Variants in AK9 observed in about 807,000 individuals in gnomAD.
AK9 encodes adenylate kinase domain containing 1.
In AK9, 191 loss-of-function variants were observed where a neutral mutation model predicts 239.6. The observed-to-expected ratio is 0.80, with a 90% CI of 0.71 to 0.90. AK9 has a LOEUF of 0.90. Among genes scored for constraint, AK9 ranks in the 40% least tolerant of loss-of-function variants. AK9 has a pLI of 0.00. For synonymous variants in AK9, 689 were observed against 721.0 expected (o/e 0.96, Z 0.71); for missense variants, 1,995 against 2,214.7 (o/e 0.90, Z 1.99).
intron 8 of AK9, among the ~76,000 whole-genome samples, chr6:109,651,391 C>G (rs1257103514): frequency 1.3e-5 from 2 of 152,060 alleles, no homozygotes; most frequent in Admixed American, 1.3e-4. Context: ...ACACAACATA[C>G]CAGAATCTCT....
intron 1 of AK9, among the ~76,000 whole-genome samples, chr6:109,677,401 C>A (rs931458740): frequency 2.8e-4 from 42 of 152,100 alleles, no homozygotes; most frequent in African/African-American, 8.9e-4. Flanking sequence ...ATATCATGTG[C>A]ACTAACTATA....
At chr6:109,568,299 A>G (rs1240964864) in intron 21 of AK9, among the ~76,000 whole-genome samples, 1 of 152,232 alleles carries the variant, frequency 6.6e-6, no homozygotes, top group Non-Finnish European at 1.5e-5. Flanking sequence ...AGAGCTATCT[A>G]TGACAAACCC....
chr6:109,542,144 C>T lies in AK9; in HGVS notation c.3253G>A (p.Glu1085Lys). The change falls in exon 27 of 41, where the codon GAA becomes AAA. Residue 1085 changes from glutamate to lysine, a missense_variant. Transcript: ENST00000424296. ...ATTAGACTTGATTTGATTACTTCTT[C>T]TTCTTCTGTAAGTTGTACTTCTGGA... ...QLPEVQLTEE[E>K]EVIKSSLMEN... 6.2e-7 allele frequency: 1 copy of T among 1,601,544 alleles called. No homozygotes were observed. Among genetic ancestry groups the T allele is most frequent in the Non-Finnish European group, 8.5e-7 (1 of 1,175,350 alleles).
chr6:109,521,295 G>A lies in AK9; in HGVS notation c.3634-4653C>T, dbSNP rs117518432. On this transcript the variant is annotated intron_variant, in intron 29 of 40. Transcript: ENST00000424296. The stretch of plus-strand genomic sequence containing the variant: ...GTTCCTCTTTCCTGCCAGTGATGAT[G>A]AGGAATTTAGCTAACTTACATCACT... 5.6e-3 allele frequency among the ~76,000 whole-genome samples: 851 copies of A among 152,182 alleles called. 2 individuals are homozygous for A. The highest frequency in any genetic ancestry group is 9.1e-3 in the Admixed American group (139 of 15,290).
intron 10 of AK9, among the ~76,000 whole-genome samples, chr6:109,636,996 C>A (rs1394360233): frequency 1.3e-5 from 2 of 152,144 alleles, no homozygotes; most frequent in Non-Finnish European, 2.9e-5. Context: ...TAAACAGCAG[C>A]TGTACCATTT....
At chr6:109,674,149 ATT>A (rs760069439) in intron 3 of AK9, 47 bp downstream of exon 3, 1 of 1,428,356 alleles carries the variant, frequency 7.0e-7, no homozygotes, top group East Asian at 2.5e-5. Flanking sequence ...TTTTATGAAT[ATT>A]TGAAAGTTTT....
intron 24 of AK9, among the ~76,000 whole-genome samples, chr6:109,552,451 G>C (rs981974908): frequency 6.6e-6 from 1 of 152,142 alleles, no homozygotes; most frequent in Non-Finnish European, 1.5e-5. Flanking sequence ...TTTCTCTGAT[G>C]ATCAGTGATG....
At chr6:109,608,379 T>C (rs1260208558) in intron 17 of AK9, among the ~76,000 whole-genome samples, 3 of 150,296 alleles carry the variant, frequency 2.0e-5, no homozygotes, top group African/African-American at 4.9e-5. Flanking sequence ...ATAAAGGGAC[T>C]ACACATATAT....
chr6:109,669,656 T>A (rs1801789752), intron 5 of AK9, among the ~76,000 whole-genome samples: 3 of 152,206 alleles, frequency 2.0e-5, no homozygotes. Flanking sequence ...CAAGTTTATA[T>A]CCCTGTTTTG....
chr6:109,554,029 C>G (rs978942100), intron 24 of AK9, among the ~76,000 whole-genome samples: 1 of 152,108 alleles, frequency 6.6e-6, no homozygotes. Flanking sequence ...GTTGAACCAG[C>G]CTTGCATCCC....
At chr6:109,578,379 T>A (rs1409511453) in intron 20 of AK9, among the ~76,000 whole-genome samples, 1 of 152,220 alleles carries the variant, frequency 6.6e-6, no homozygotes. Flanking sequence ...TCCTGTTACA[T>A]TTCTAATTGA....
chr6:109,557,160 G>C (rs1224898897), intron 24 of AK9, among the ~76,000 whole-genome samples: 1 of 152,000 alleles, frequency 6.6e-6, no homozygotes, highest in Non-Finnish European at 1.5e-5. Context: ...CCCTTGGATG[G>C]GGTTTTTGTG....
At chr6:109,570,682 G>T (rs1401360552) in intron 21 of AK9, among the ~76,000 whole-genome samples, 1 of 152,112 alleles carries the variant, frequency 6.6e-6, no homozygotes, top group African/African-American at 2.4e-5. Flanking sequence ...AGTACAAAGA[G>T]ATGAGAACTA....
chr6:109,647,776 C>G (rs1174800416), intron 8 of AK9, among the ~76,000 whole-genome samples: 2 of 140,116 alleles, frequency 1.4e-5, no homozygotes, highest in African/African-American at 5.0e-5. Context: ...CCCAAATCAA[C>G]AGAATATACA....
intron 20 of AK9, among the ~76,000 whole-genome samples, chr6:109,577,521 T>A (rs761614898): frequency 3.9e-5 from 6 of 152,088 alleles, no homozygotes; most frequent in Non-Finnish European, 5.9e-5. Flanking sequence ...GAGGATTCCC[T>A]CTCTCTCTAT....
At chr6:109,567,113 A>G (rs1786650555) in intron 21 of AK9, among the ~76,000 whole-genome samples, 1 of 152,138 alleles carries the variant, frequency 6.6e-6, no homozygotes, top group South Asian at 2.1e-4. Context: ...GACATAAAAA[A>G]CCCTTCAAAA....
At chr6:109,655,722 C>T (rs1799605527) in intron 8 of AK9, among the ~76,000 whole-genome samples, 1 of 152,194 alleles carries the variant, frequency 6.6e-6, no homozygotes, top group African/African-American at 2.4e-5. Flanking sequence ...CAATTTTCTA[C>T]TTTCTGAATC....
chr6:109,498,134 T>C (rs1001478724), intron 36 of AK9, among the ~76,000 whole-genome samples, 169 bp from the exon 37 acceptor site: 2 of 152,196 alleles, frequency 1.3e-5, no homozygotes, highest in Admixed American at 6.5e-5. Flanking sequence ...ACAGGAATAC[T>C]CCCAAGTGAT....
At position 109,621,906 on chromosome 6, in the gene AK9, A is replaced by C. The variant is rs909872606; in HGVS notation, c.1255-2670T>G. Among the ~76,000 whole-genome samples the C allele has an allele frequency of 7.7e-3, 310 of 40,014 alleles. 2 individuals carry two copies. The highest frequency in any genetic ancestry group is 0.029 in the South Asian group (12 of 416). 26.3% of individuals were successfully genotyped at this position (40,014 alleles called of 152,430 possible). A position where few individuals can be genotyped will look rare whatever the true frequency, so the allele number is the denominator to read the frequency against. Reference sequence around the variant, plus strand: ...TTAAAGTATAATTAAAAAAAAAAAAAAAAAAACAAAAAAAAAACAGAAAGA... The same window carrying C: ...TTAAAGTATAATTAAAAAAAAAAAACAAAAAACAAAAAAAAAACAGAAAGA... On this transcript the variant is annotated intron_variant, in intron 12 of 40. Coordinates refer to ENST00000424296, the MANE Select transcript of AK9 (RefSeq NM_001145128.3).
Sources: gnomAD v4.1 joint callset for allele counts (sites outside exome capture counted in the v4.1 genomes callset) on GRCh38, gnomAD v4.1.1 for gene constraint, MANE v1.5 for transcripts, NCBI Gene and HGNC (gene_info 2026-07-23, HGNC 2026-07-21) for gene names.